The following HEATR1 variants were observed in gnomAD, a reference collection of about 807,000 sequenced individuals.
The protein encoded by HEATR1 is HEAT repeat containing 1.
Under a neutral mutation model 248.2 loss-of-function variants are expected in HEATR1, and 77 were observed. That is an observed-to-expected ratio of 0.31 (90% confidence interval 0.26 to 0.37). The LOEUF (loss-of-function observed/expected upper bound fraction) is 0.37, where lower values mean the gene tolerates loss of function less well. Ranked by LOEUF, HEATR1 falls within the 10% of genes least tolerant of loss-of-function variation. The pLI, the probability that HEATR1 is intolerant of heterozygous loss-of-function variation, is 1.00. For missense variants in HEATR1, 2,420 were observed against 2,504.9 expected (o/e 0.97, Z 0.72); for synonymous variants, 897 against 923.1 (o/e 0.97, Z 0.51).
intron 20 of HEATR1, among the ~76,000 whole-genome samples, chr1:236,580,999 T>C (rs1572044795): frequency 6.6e-6 from 1 of 151,876 alleles, no homozygotes; most frequent in East Asian, 1.9e-4. Context: ...TTTGTATTTT[T>C]AGTAGAGACG....
chr1:236,569,482 T>C (rs1663365125), intron 28 of HEATR1, among the ~76,000 whole-genome samples: 2 of 152,152 alleles, frequency 1.3e-5, no homozygotes, highest in South Asian at 4.2e-4. Flanking sequence ...CAACAATTCA[T>C]TACAACTCAC....
intron 37 of HEATR1, among the ~76,000 whole-genome samples, 159 bp from the exon 38 acceptor site, chr1:236,556,417 G>A (rs753626903): frequency 2.0e-5 from 3 of 152,232 alleles, no homozygotes; most frequent in Non-Finnish European, 4.4e-5. Context: ...CTAAACGTCA[G>A]TGGATAAAAC....
chr1:236,574,675 T>C lies in HEATR1; in HGVS notation c.3313A>G (p.Thr1105Ala), dbSNP rs763012371. ...LYAGMPTIQI[T>A]ALEKITKPFF... ...AAATCACTGACCTTTTCAAGGGCTG[T>C]GATCTGAATGGTTGGCATTCCCGCG... The change falls in exon 23 of 45, where the codon ACA becomes GCA. Residue 1105 changes from threonine to alanine, a missense_variant. Coordinates refer to ENST00000366582, the MANE Select transcript of HEATR1 (RefSeq NM_018072.6). 31 of 1,613,312 alleles carry C rather than the reference T, an allele frequency of 1.9e-5. No individual in the cohort carries two copies. Among genetic ancestry groups the C allele is most frequent in the Non-Finnish European group, 2.4e-5 (28 of 1,179,682 alleles).
intron 1 of HEATR1, 100 bp downstream of exon 1, chr1:236,604,322 T>C: frequency 2.3e-6 from 1 of 432,128 alleles, no homozygotes; most frequent in Non-Finnish European, 4.0e-6. Flanking sequence ...CGCCAAGGCT[T>C]TCCTTCAACC....
chr1:236,562,720 C>G (rs1663164114), intron 32 of HEATR1, among the ~76,000 whole-genome samples: 1 of 151,044 alleles, frequency 6.6e-6, no homozygotes, highest in East Asian at 2.0e-4. Flanking sequence ...GATCTGCCAC[C>G]TTTAAATAGT....
intron 30 of HEATR1, among the ~76,000 whole-genome samples, chr1:236,566,432 C>CAGA (rs10695228): frequency 0.68 from 103,349 of 151,700 alleles, 35,490 homozygotes; most frequent in Non-Finnish European, 0.72. Flanking sequence ...AATTCGCCTT[C>CAGA]AGATGTTTTG....
intron 20 of HEATR1, among the ~76,000 whole-genome samples, chr1:236,577,855 T>C (rs769529092): frequency 5.4e-4 from 82 of 152,298 alleles, no homozygotes; most frequent in Non-Finnish European, 8.5e-4. Context: ...ACCTTACTGG[T>C]AAAGTTTAGG....
At position 236,582,716 on chromosome 1, in the gene HEATR1, GA is replaced by G. The variant is rs770680086; in HGVS notation, c.2562+19del. On this transcript the variant is annotated intron_variant, in intron 19 of 44. Transcript: ENST00000366582. ...TCTTCTTTAAGGGTAGAGTACGCCT[GA>G]AAAGGAGGAGGCTTGTACCTTTATG... 6.8e-6 allele frequency: 11 copies of G among 1,613,308 alleles called. No individual in the cohort carries two copies. Among genetic ancestry groups the G allele is most frequent in the South Asian group, 3.3e-5 (3 of 91,066 alleles).
rs558414656 is a variant in HEATR1 at position 236,571,505 on chromosome 1, G to A, written c.3827-33C>T. 2.5e-6 allele frequency: 4 copies of A among 1,613,388 alleles called. No homozygotes were observed. In the African/African-American group the frequency reaches 4.0e-5, roughly 16 times the overall value. ...GGTGAGAAAGACAAAAACCCTAAGT[G>A]GCAGGTACACTCACGCTCAAAGTAG... On this transcript the variant is annotated intron_variant, in intron 27 of 44. Transcript: ENST00000366582.
Position 236,574,141 on chromosome 1 carries a change from G to T in HEATR1, c.3459+61C>A, listed in dbSNP as rs1411727372. On this transcript the variant is annotated intron_variant, in intron 24 of 44. Coordinates refer to ENST00000366582, the MANE Select transcript of HEATR1 (RefSeq NM_018072.6). ...ATAAAATACAGGACTCTTAAACATG[G>T]TGTCCCTTGGAAGAGACTATAAACA... The T allele has an allele frequency of 2.8e-5, 40 of 1,423,080 alleles. 1 individual carries two copies. The allele number at this position is 1,423,080 out of a possible 1,614,324, so 88.2% of individuals were successfully genotyped here.
chr1:236,583,917 G>T (rs1213976034), intron 17 of HEATR1, among the ~76,000 whole-genome samples: 1 of 152,150 alleles, frequency 6.6e-6, no homozygotes, highest in Non-Finnish European at 1.5e-5. Context: ...CAAACCTGCA[G>T]ATGATTTTAA....
In HEATR1 at chr1:236,599,598, T is replaced by C. The variant is rs750792703; in HGVS notation, c.386A>G (p.Asp129Gly). 2.5e-6 allele frequency: 4 copies of C among 1,613,520 alleles called. No individual in the cohort carries two copies. The highest frequency in any genetic ancestry group is 1.7e-5 in the Admixed American group (1 of 59,982). Residue 129 changes from aspartate to glycine, a missense_variant, in exon 4 of 45, where the codon GAT becomes GGT. By Grantham distance (94) the Asp-to-Gly change is moderately conservative (BLOSUM62 -1). Coordinates refer to ENST00000366582, the MANE Select transcript of HEATR1 (RefSeq NM_018072.6). ...TGGCAGAACACAAGCAATGAGGCTATCTTGATTATAGAGATGTATATGGAA... is the reference window on the plus strand; with the variant it reads ...TGGCAGAACACAAGCAATGAGGCTACCTTGATTATAGAGATGTATATGGAA... The part of the protein sequence containing the change: ...HRFHIHLYNQ[D>G]SLIACVLPYH...
Position 236,559,129 on chromosome 1 carries a change from C to T in HEATR1, c.4777G>A (p.Ala1593Thr), listed in dbSNP as rs1195565660. The T allele has an allele frequency of 1.3e-6, 2 of 1,565,180 alleles. No individual in the cohort carries two copies. Among genetic ancestry groups the T allele is most frequent in the East Asian group, 2.3e-5 (1 of 43,850 alleles). ...ATGAATGTCTCTGTGGGCAGCAAGGCATTGACCTAAAGAGAAATTTTATAT... is the reference window on the plus strand; with the variant it reads ...ATGAATGTCTCTGTGGGCAGCAAGGTATTGACCTAAAGAGAAATTTTATAT... ...KAYDLLDKVN[A>T]LLPTETFIPV... The change falls in exon 35 of 45, where the codon GCC becomes ACC. Residue 1593 changes from alanine (A) to threonine (T), a missense_variant. Transcript: ENST00000366582.
intron 3 of HEATR1, among the ~76,000 whole-genome samples, chr1:236,602,010 G>C (rs2102802469): frequency 6.6e-6 from 1 of 151,312 alleles, no homozygotes; most frequent in South Asian, 2.1e-4. Context: ...GTAGTGGTAT[G>C]TGCCTGTAAT....
intron 3 of HEATR1, among the ~76,000 whole-genome samples, chr1:236,602,472 T>C (rs1664351808): frequency 6.6e-6 from 1 of 152,202 alleles, no homozygotes; most frequent in Admixed American, 6.5e-5. Context: ...CAAAAACACA[T>C]TAGCTATCAT....
intron 29 of HEATR1, among the ~76,000 whole-genome samples, chr1:236,568,548 G>C (rs1370884409): frequency 6.6e-6 from 1 of 152,138 alleles, no homozygotes; most frequent in African/African-American, 2.4e-5. Context: ...TCTGAGTTTA[G>C]CTCTTAGAGA....
intron 44 of HEATR1, 54 bp from the exon 45 acceptor site, chr1:236,551,044 C>A (rs543643713): frequency 2.2e-6 from 3 of 1,359,986 alleles, no homozygotes; most frequent in Non-Finnish European, 3.0e-6. Context: ...CCGCCTGCCT[C>A]GGTTCTCATT....
chr1:236,582,057 T>C (rs1663763341), intron 19 of HEATR1, among the ~76,000 whole-genome samples: 3 of 152,210 alleles, frequency 2.0e-5, no homozygotes, highest in Admixed American at 1.3e-4. Context: ...CTACTTTTGT[T>C]TACATTATAA....
At position 236,588,014 on chromosome 1, in the gene HEATR1, T is replaced by C; in HGVS notation, c.1560A>G (p.Glu520=). The C allele has an allele frequency of 6.2e-7, 1 of 1,612,570 alleles. No homozygotes were observed. Among genetic ancestry groups the C allele is most frequent in the Non-Finnish European group, 8.5e-7 (1 of 1,179,216 alleles). Residue 520 remains glutamate, a synonymous_variant, in exon 13 of 45, where the codon GAA becomes GAG. Transcript: ENST00000366582. Reference sequence around the variant, plus strand: ...CATCACCTAATCGGGCTAAAACAGCTTCTTTTATGAAAGATTCATCAACAC... The same window carrying C: ...CATCACCTAATCGGGCTAAAACAGCCTCTTTTATGAAAGATTCATCAACAC... ...KEGVDESFIK[E]AVLARLGDDN...
Sources: gnomAD v4.1 joint callset for allele counts (sites outside exome capture counted in the v4.1 genomes callset) on GRCh38, gnomAD v4.1.1 for gene constraint, MANE v1.5 for transcripts, NCBI Gene and HGNC (gene_info 2026-07-23, HGNC 2026-07-21) for gene names.